The following SAMD3 variants were observed in gnomAD, a reference collection of about 807,000 sequenced individuals.
SAMD3 encodes sterile alpha motif domain-containing protein 3.
A neutral mutation model predicts 58.5 loss-of-function variants in SAMD3; 63 were observed. That is an observed-to-expected ratio of 1.08 (90% confidence interval 0.88 to 1.33). The LOEUF (loss-of-function observed/expected upper bound fraction) is 1.33. Among genes scored for constraint, SAMD3 ranks in the 40% most tolerant of loss-of-function variants. The pLI is 0.00. For synonymous variants in SAMD3, 220 were observed against 210.3 expected (o/e 1.05, Z -0.40); for missense variants, 604 against 608.4 (o/e 0.99, Z 0.08).
At chr6:130,306,774 G>A (rs1583077227) in intron 2 of SAMD3, among the ~76,000 whole-genome samples, 1 of 152,192 alleles carries the variant, frequency 6.6e-6, no homozygotes, top group East Asian at 1.9e-4. Flanking sequence ...CTTATAGAAT[G>A]AGACAGAGAA....
intron 2 of SAMD3, among the ~76,000 whole-genome samples, chr6:130,265,456 C>T (rs1190917968): frequency 6.6e-6 from 1 of 152,150 alleles, no homozygotes; most frequent in African/African-American, 2.4e-5. Flanking sequence ...AAAAACTGGA[C>T]TTGTACAGTA....
intron 1 of SAMD3, among the ~76,000 whole-genome samples, chr6:130,360,683 G>A (rs1777959278): frequency 6.6e-6 from 1 of 152,140 alleles, no homozygotes; most frequent in Admixed American, 6.5e-5. Flanking sequence ...GGGTTTGAGA[G>A]CAACCAGTCT....
chr6:130,190,011 C>T (rs995213063), intron 5 of SAMD3, among the ~76,000 whole-genome samples: 1 of 152,008 alleles, frequency 6.6e-6, no homozygotes, highest in Non-Finnish European at 1.5e-5. Context: ...TTTCGGGCAA[C>T]CCATTATGTG....
At chr6:130,215,500 A>G (rs758991491) in intron 2 of SAMD3, 275 of 1,329,932 alleles carry the variant, frequency 2.1e-4, no homozygotes, top group Non-Finnish European at 2.6e-4. Context: ...ATTTAAACCT[A>G]TTTCCTAGCA....
chr6:130,158,772 C>T (rs1012282912), intron 8 of SAMD3, among the ~76,000 whole-genome samples: 1 of 152,142 alleles, frequency 6.6e-6, no homozygotes, highest in African/African-American at 2.4e-5. Flanking sequence ...GCTGGCTGCT[C>T]AAGAGAATTT....
At chr6:130,237,189 C>T (rs1200155442) in intron 2 of SAMD3, among the ~76,000 whole-genome samples, 1 of 152,106 alleles carries the variant, frequency 6.6e-6, no homozygotes, top group African/African-American at 2.4e-5. Context: ...TTGTTGAGGA[C>T]TGAAGGTCAA....
intron 5 of SAMD3, among the ~76,000 whole-genome samples, chr6:130,194,175 T>G (rs1257357199): frequency 3.3e-5 from 5 of 152,224 alleles, no homozygotes; most frequent in African/African-American, 4.8e-5. Context: ...AAAAGGTGGC[T>G]GGAGCTAAAG....
chr6:130,193,294 C>T (rs1334342442), intron 5 of SAMD3, among the ~76,000 whole-genome samples: 1 of 151,966 alleles, frequency 6.6e-6, no homozygotes, highest in African/African-American at 2.4e-5. Context: ...CAGCAAGTCC[C>T]ACTTTTCTGG....
chr6:130,204,004 CAGA>C (rs767568132), intron 5 of SAMD3, among the ~76,000 whole-genome samples: 14 of 151,618 alleles, frequency 9.2e-5, no homozygotes, highest in Non-Finnish European at 2.9e-5. Flanking sequence ...TGAACATAGG[CAGA>C]AGGATTAGCT....
intron 5 of SAMD3, among the ~76,000 whole-genome samples, chr6:130,186,850 A>G (rs1793027231): frequency 7.0e-6 from 1 of 143,040 alleles, no homozygotes; most frequent in Non-Finnish European, 1.5e-5. Context: ...GGCTCACTGC[A>G]ACCTCCGCCT....
intron 2 of SAMD3, among the ~76,000 whole-genome samples, chr6:130,239,283 T>C (rs1162635149): frequency 4.6e-5 from 7 of 152,200 alleles, no homozygotes; most frequent in Non-Finnish European, 1.0e-4. Flanking sequence ...TGTACCATTT[T>C]CTAGGGTCTG....
chr6:130,303,653 C>G (rs772501212), intron 2 of SAMD3, among the ~76,000 whole-genome samples: 1 of 152,154 alleles, frequency 6.6e-6, no homozygotes. Flanking sequence ...TGCAAAAACA[C>G]ATCTGGAATC....
intron 8 of SAMD3, among the ~76,000 whole-genome samples, chr6:130,156,104 C>T (rs1317737682): frequency 1.3e-5 from 2 of 151,878 alleles, no homozygotes; most frequent in African/African-American, 4.8e-5. Context: ...TTTGGAAGGA[C>T]GAGTCAGGAG....
intron 2 of SAMD3, among the ~76,000 whole-genome samples, chr6:130,287,877 G>A (rs1028455080): frequency 4.0e-5 from 6 of 151,684 alleles, no homozygotes; most frequent in African/African-American, 9.7e-5. Context: ...CCCGGGAGGC[G>A]GAGGTTGCAG....
intron 8 of SAMD3, among the ~76,000 whole-genome samples, chr6:130,164,721 A>C (rs75746287): frequency 1.4e-4 from 21 of 152,130 alleles, no homozygotes; most frequent in African/African-American, 4.8e-4. Context: ...ATCATCTAGA[A>C]TGTTGTCAGT....
Position 130,335,268 on chromosome 6 carries a change from T to A in SAMD3, c.-303-22175A>T, listed in dbSNP as rs115350985. 5.0e-3 allele frequency among the ~76,000 whole-genome samples: 760 copies of A among 152,262 alleles called. 6 individuals are homozygous for A. The highest frequency in any genetic ancestry group is 0.017 in the African/African-American group (717 of 41,544). ...AAAACAATGTGCCAAGACTGAGTAG[T>A]ATAGCCCTGATCCCAACCAACACTA... On this transcript the variant is annotated intron_variant, in intron 1 of 13. Coordinates refer to the SAMD3 transcript ENST00000368134.
At chr6:130,180,627 T>G (rs1792221574) in intron 7 of SAMD3, among the ~76,000 whole-genome samples, 1 of 152,182 alleles carries the variant, frequency 6.6e-6, no homozygotes, top group Non-Finnish European at 1.5e-5. Flanking sequence ...TTGGTTTTGT[T>G]GTTGTTGTTG....
chr6:130,155,422 T>C (rs1341533061), intron 8 of SAMD3, among the ~76,000 whole-genome samples: 1 of 152,238 alleles, frequency 6.6e-6, no homozygotes, highest in African/African-American at 2.4e-5. Flanking sequence ...TTTTTCTTTT[T>C]AAATGCCTTT....
At chr6:130,327,359 G>A (rs1298134057) in intron 1 of SAMD3, among the ~76,000 whole-genome samples, 1 of 152,058 alleles carries the variant, frequency 6.6e-6, no homozygotes, top group African/African-American at 2.4e-5. Flanking sequence ...GAACTAAATT[G>A]AATTTATCAT....
Sources: gnomAD v4.1 joint callset for allele counts (sites outside exome capture counted in the v4.1 genomes callset) on GRCh38, gnomAD v4.1.1 for gene constraint, MANE v1.5 for transcripts, NCBI Gene and HGNC (gene_info 2026-07-23, HGNC 2026-07-21) for gene names.